BCL2L11: variants seen among roughly 807,000 people sequenced by gnomAD.
The protein encoded by BCL2L11 is BCL2 like 11.
BCL2L11 carries 15 observed loss-of-function variants against 20.6 expected under a neutral mutation model. The observed-to-expected ratio is 0.73, with a 90% CI of 0.49 to 1.12. The LOEUF (loss-of-function observed/expected upper bound fraction) is 1.12. Ranked by LOEUF, BCL2L11 falls within the 50% of genes most tolerant of loss-of-function variation. BCL2L11 has a pLI of 0.00. For missense variants in BCL2L11, 292 were observed against 260.9 expected (o/e 1.12, Z -0.82); for synonymous variants, 108 against 92.8 (o/e 1.16, Z -0.94).
At chr2:111,151,861 G>C in intron 3 of BCL2L11, 4 of 1,549,916 alleles carry the variant, frequency 2.6e-6, no homozygotes, top group South Asian at 1.2e-5. Flanking sequence ...ACATAAACCA[G>C]TTCACAGAAC....
intron 1 of BCL2L11, chr2:111,122,516 G>A (rs1196479546): frequency 1.3e-6 from 1 of 766,942 alleles, no homozygotes; most frequent in Non-Finnish European, 1.6e-6. Flanking sequence ...CACCGCGGCT[G>A]CCGATTGGCT....
chr2:111,146,050 C>T, intron 2 of BCL2L11: 1 of 984,008 alleles, frequency 1.0e-6, no homozygotes, highest in Non-Finnish European at 1.2e-6. Context: ...TTTGAAGTCA[C>T]TTTACCTCAA....
In BCL2L11 at chr2:111,141,520, G is replaced by T. The variant is rs186052885; in HGVS notation, c.395-8524G>T. ...CACACTCTGGGGACTGTTGTGGGGT[G>T]GGGGGAGGGGGGAGGGAGAGCATTG... On this transcript the variant is annotated intron_variant, in intron 2 of 3. Transcript: ENST00000393256. 6.1e-5 allele frequency among the ~76,000 whole-genome samples: 7 copies of T among 115,508 alleles called. No individual in the cohort carries two copies. In the South Asian group the frequency reaches 2.3e-3, roughly 38 times the overall value. The allele number at this position is 115,508 out of a possible 152,430, so 75.8% of individuals were successfully genotyped here.
intron 3 of BCL2L11, among the ~76,000 whole-genome samples, chr2:111,163,861 C>CTTTTTTTTTTTT (rs10547953): frequency 9.5e-6 from 1 of 104,720 alleles, no homozygotes; most frequent in African/African-American, 3.5e-5. Flanking sequence ...TTTTTGAGTG[C>CTTTTTTTTTTTT]TTTTTTTTTT....
Position 111,154,141 on chromosome 2 carries a change from A to G in BCL2L11, c.498+3994A>G, listed in dbSNP as rs145795077. The stretch of plus-strand genomic sequence containing the variant: ...TTGTTTTCATGTTTTCCCTCTTTGC[A>G]CACATGTACAATTTATTTCAGAAAA... On this transcript the variant is annotated intron_variant, in intron 3 of 3. Coordinates refer to ENST00000393256, the MANE Select transcript of BCL2L11 (RefSeq NM_138621.5). Among the ~76,000 whole-genome samples, 49 of 152,328 alleles carry G rather than the reference A, an allele frequency of 3.2e-4. 1 individual carries two copies. In the East Asian group the frequency reaches 8.5e-3, roughly 26 times the overall value.
chr2:111,153,426 G>A (rs981979215), intron 3 of BCL2L11, among the ~76,000 whole-genome samples: 1 of 152,008 alleles, frequency 6.6e-6, no homozygotes, highest in Non-Finnish European at 1.5e-5. Flanking sequence ...TAGTGACACC[G>A]TGATCTTCAA....
chr2:111,124,849 A>G (rs1018767829), intron 2 of BCL2L11, among the ~76,000 whole-genome samples: 5 of 151,834 alleles, frequency 3.3e-5, no homozygotes, highest in African/African-American at 9.7e-5. Flanking sequence ...CAGTACCAAC[A>G]TAGAACCATG....
chr2:111,153,951 G>T, intron 3 of BCL2L11: 1 of 1,459,702 alleles, frequency 6.9e-7, no homozygotes, highest in Non-Finnish European at 9.1e-7. Context: ...TCCCGATGCA[G>T]TGTCATTCCC....
intron 2 of BCL2L11, among the ~76,000 whole-genome samples, chr2:111,137,123 T>A (rs576537562): frequency 6.6e-6 from 1 of 152,350 alleles, no homozygotes; most frequent in East Asian, 1.9e-4. Context: ...AGATTCAGAC[T>A]TGTTTTATAT....
intron 3 of BCL2L11, chr2:111,153,838 G>T (rs1253800335): frequency 6.4e-7 from 1 of 1,551,856 alleles, no homozygotes; most frequent in Non-Finnish European, 8.7e-7. Flanking sequence ...CTTAAGGGCA[G>T]TGGGGAAGCG....
intron 1 of BCL2L11, among the ~76,000 whole-genome samples, chr2:111,122,449 G>A (rs771873490): frequency 6.6e-6 from 1 of 152,220 alleles, no homozygotes; most frequent in African/African-American, 2.4e-5. Flanking sequence ...AGCGCTCGGA[G>A]GCGAGTTTGT....
chr2:111,123,639 C>G (rs1043910119), intron 1 of BCL2L11, 94 bp from the exon 2 acceptor site: 17 of 1,263,000 alleles, frequency 1.3e-5, no homozygotes, highest in Middle Eastern at 4.6e-4. Flanking sequence ...GGGATTAACC[C>G]TAAGAATTTT....
intron 2 of BCL2L11, chr2:111,128,911 C>G (rs2150290894): frequency 8.1e-7 from 1 of 1,232,160 alleles, no homozygotes; most frequent in South Asian, 1.6e-5. Flanking sequence ...AGATTTGTGG[C>G]TGGTGTTCTG....
In BCL2L11 at chr2:111,123,800, T is replaced by A; in HGVS notation, c.55T>A (p.Leu19Met). 1 of 1,480,146 alleles carries A rather than the reference T, an allele frequency of 6.8e-7. No homozygotes were observed. The highest frequency in any genetic ancestry group is 9.0e-7 in the Non-Finnish European group (1 of 1,113,204). The allele number at this position is 1,480,146 out of a possible 1,614,324, so 91.7% of individuals were successfully genotyped here. ...SSECDREGRQ[L>M]QPAERPPQLR... is the part of the protein sequence containing the mutation. ...TGAGTGTGACCGAGAAGGTAGACAATTGCAGCCTGCGGAGAGGCCTCCCCA... is the reference window on the plus strand; with the variant it reads ...TGAGTGTGACCGAGAAGGTAGACAAATGCAGCCTGCGGAGAGGCCTCCCCA... Residue 19 changes from leucine to methionine, a missense_variant, in exon 2 of 4, where the codon TTG becomes ATG. Physicochemically the swap from Leu to Met is conservative, Grantham distance 15. Coordinates refer to ENST00000393256, the MANE Select transcript of BCL2L11 (RefSeq NM_138621.5).
rs2078966196 is a variant in BCL2L11 at position 111,165,197 on chromosome 2, T to C, written c.*966T>C. The C allele has an allele frequency of 6.6e-6, 1 of 152,238 alleles. No homozygotes were observed. Among genetic ancestry groups the C allele is most frequent in the Admixed American group, 6.5e-5 (1 of 15,284 alleles). 9.4% of individuals were successfully genotyped at this position (152,238 alleles called of 1,614,324 possible). On this transcript the variant is annotated 3_prime_UTR_variant, in exon 4 of 4. Transcript: ENST00000393256. ...GCAATAGCAGTAATAACAACAGACT[T>C]AAGTGCTACGCCCCTTTGTGCTGCT...
At chr2:111,146,020 C>A in intron 2 of BCL2L11, 5 of 980,726 alleles carry the variant, frequency 5.1e-6, no homozygotes, top group Non-Finnish European at 6.0e-6. Context: ...AGGATTGGAG[C>A]TTTTGCTGCA....
chr2:111,124,293 C>CTT (rs375204950), intron 2 of BCL2L11, among the ~76,000 whole-genome samples, 154 bp downstream of exon 2: 14 of 142,774 alleles, frequency 9.8e-5, no homozygotes, highest in Admixed American at 2.1e-4. Context: ...ATCAAACCAA[C>CTT]TTTTTTTTTT....
intron 2 of BCL2L11, chr2:111,131,748 G>A (rs1016821531): frequency 2.0e-5 from 3 of 152,004 alleles, no homozygotes; most frequent in African/African-American, 4.8e-5. Flanking sequence ...ACCCTATCTC[G>A]GGCAGCCTCA....
rs145960901 is a variant in BCL2L11 at position 111,128,080 on chromosome 2, C to T, written c.394+3941C>T. On this transcript the variant is annotated intron_variant, in intron 2 of 3. Coordinates refer to ENST00000393256, the MANE Select transcript of BCL2L11 (RefSeq NM_138621.5). ...CACCTTGCAAAACAGAAATTCTGTACTCATTAAACAACTCCCCATTTCCCC... is the reference window on the plus strand; with the variant it reads ...CACCTTGCAAAACAGAAATTCTGTATTCATTAAACAACTCCCCATTTCCCC... Among the ~76,000 whole-genome samples the T allele has an allele frequency of 6.7e-3, 1,022 of 152,162 alleles. 18 individuals carry two copies. The highest frequency in any genetic ancestry group is 0.023 in the African/African-American group (971 of 41,536).
Sources: gnomAD v4.1 joint callset for allele counts (sites outside exome capture counted in the v4.1 genomes callset) on GRCh38, gnomAD v4.1.1 for gene constraint, MANE v1.5 for transcripts, NCBI Gene and HGNC (gene_info 2026-07-23, HGNC 2026-07-21) for gene names.